Variants in CLIC5 observed in about 807,000 individuals in gnomAD.
CLIC5 encodes chloride intracellular channel protein 5.
Under a neutral mutation model 24.7 loss-of-function variants are expected in CLIC5, and 20 were observed. That is an observed-to-expected ratio of 0.81 (90% confidence interval 0.57 to 1.18). The LOEUF is 1.18. Among genes scored for constraint, CLIC5 ranks in the 50% most tolerant of loss-of-function variants. The probability of loss-of-function intolerance (pLI) is 0.00; values close to 1 mark genes in which losing one functional copy is unlikely to be tolerated. For synonymous variants in CLIC5, 159 were observed against 135.6 expected (o/e 1.17, Z -1.20); for missense variants, 341 against 326.1 (o/e 1.05, Z -0.35).
At chr6:45,926,782 G>A (rs1024842325) in intron 4 of CLIC5, among the ~76,000 whole-genome samples, 10 of 152,140 alleles carry the variant, frequency 6.6e-5, no homozygotes, top group African/African-American at 2.2e-4. Context: ...CCACTTCAGC[G>A]AAGCCCGCCA....
chr6:45,916,744 C>T (rs747516207), intron 4 of CLIC5, among the ~76,000 whole-genome samples: 1 of 152,164 alleles, frequency 6.6e-6, no homozygotes, highest in Non-Finnish European at 1.5e-5. Flanking sequence ...GGTAATTCCT[C>T]GAGATGGAAG....
intron 1 of CLIC5, among the ~76,000 whole-genome samples, chr6:46,010,629 A>C (rs534107057): frequency 1.2e-4 from 18 of 152,314 alleles, no homozygotes; most frequent in African/African-American, 4.3e-4. Context: ...ACAAGTCATC[A>C]GGGATGCAGG....
At position 45,902,993 on chromosome 6, in the gene CLIC5, G is replaced by T. The variant is rs554810737; in HGVS notation, c.*95C>A. On this transcript the variant is annotated 3_prime_UTR_variant, in exon 6 of 6. Transcript: ENST00000339561. ...GATGAGGCTTGATTATAAAAAGTGCGCCTCAAGGCAGTGATACAGAGGAGT... is the reference window on the plus strand; with the variant it reads ...GATGAGGCTTGATTATAAAAAGTGCTCCTCAAGGCAGTGATACAGAGGAGT... 3.8e-6 allele frequency: 5 copies of T among 1,327,828 alleles called. No homozygotes were observed. The Admixed American group carries it at 5.8e-5, about 16-fold the overall frequency. 82.3% of individuals were successfully genotyped at this position (1,327,828 alleles called of 1,614,324 possible).
chr6:46,060,273 G>C (rs952561242), intron 1 of CLIC5, among the ~76,000 whole-genome samples: 2 of 152,098 alleles, frequency 1.3e-5, no homozygotes, highest in African/African-American at 4.8e-5. Context: ...AAGTTGGTTT[G>C]CCCTAAATAC....
chr6:46,076,831 A>C (rs939372033), intron 1 of CLIC5, among the ~76,000 whole-genome samples: 3 of 152,196 alleles, frequency 2.0e-5, no homozygotes, highest in African/African-American at 7.2e-5. Flanking sequence ...CTCTCCCACT[A>C]CAATGCAAAG....
the CLIC5 span, among the ~76,000 whole-genome samples, chr6:46,113,640 A>G: frequency 2.4e-4 from 36 of 152,286 alleles, 1 homozygote; most frequent in Non-Finnish European, 7.4e-5. Context: ...ACACTTCTTT[A>G]ATTAGATGGT....
At chr6:46,055,210 C>A (rs1768212832) in intron 1 of CLIC5, among the ~76,000 whole-genome samples, 1 of 152,218 alleles carries the variant, frequency 6.6e-6, no homozygotes, top group Non-Finnish European at 1.5e-5. Flanking sequence ...TCAAGTAATT[C>A]TCACACCTCA....
intron 1 of CLIC5, among the ~76,000 whole-genome samples, chr6:46,071,493 C>T (rs528572130): frequency 2.0e-4 from 30 of 151,190 alleles, no homozygotes; most frequent in East Asian, 1.4e-3. Context: ...AAAAGCTTAT[C>T]GCTAATTATT....
intron 1 of CLIC5, among the ~76,000 whole-genome samples, chr6:45,989,749 T>G (rs1455480358): frequency 6.6e-6 from 1 of 152,196 alleles, no homozygotes; most frequent in African/African-American, 2.4e-5. Context: ...ATGGGCAGAG[T>G]TGCAGGGAAA....
At position 45,900,207 on chromosome 6, in the gene CLIC5, T is replaced by TC. The variant is rs1762474050; in HGVS notation, c.*2880dup. 6.6e-6 allele frequency: 1 copy of TC among 151,788 alleles called. No individual in the cohort carries two copies. The highest frequency in any genetic ancestry group is 2.4e-5 in the African/African-American group (1 of 41,308). The allele number at this position is 151,788 out of a possible 1,614,324, so 9.4% of individuals were successfully genotyped here. On this transcript the variant is annotated 3_prime_UTR_variant, in exon 6 of 6. Transcript: ENST00000339561. Reference sequence around the variant, plus strand: ...TGCCTTCGTCTCCCACTACCCTGCTTCCCCCACCCCCAATAGTGCTGTGCA... The same window carrying TC: ...TGCCTTCGTCTCCCACTACCCTGCTTCCCCCCACCCCCAATAGTGCTGTGCA...
At chr6:46,055,997 G>T (rs1350919884) in intron 1 of CLIC5, among the ~76,000 whole-genome samples, 1 of 152,118 alleles carries the variant, frequency 6.6e-6, no homozygotes, top group East Asian at 1.9e-4. Flanking sequence ...AAAGTTCTCT[G>T]AGTGTATGGT....
intron 1 of CLIC5, among the ~76,000 whole-genome samples, chr6:46,033,940 TA>T (rs750038724): frequency 2.0e-4 from 30 of 152,236 alleles, no homozygotes; most frequent in Admixed American, 1.8e-3. Context: ...AAGAGGTTAT[TA>T]TTTTTTAAAG....
rs1037704166 is a variant in CLIC5, at chr6:46,009,400, T to A, written c.63+6080A>T. On this transcript the variant is annotated intron_variant, in intron 1 of 5. Transcript: ENST00000339561. ...CATTTAGCGAACTGGAAGAGAAATG[T>A]CCCTGACTGTGGGAGCTGACCCCTC... Among the ~76,000 whole-genome samples the A allele has an allele frequency of 2.0e-5, 3 of 152,088 alleles. No individual in the cohort carries two copies. In the South Asian group the frequency reaches 6.2e-4, roughly 32 times the overall value.
intron 3 of CLIC5, among the ~76,000 whole-genome samples, chr6:45,947,286 G>C (rs532418189): frequency 6.6e-6 from 1 of 152,288 alleles, no homozygotes; most frequent in South Asian, 2.1e-4. Context: ...GGGTGGTGTG[G>C]TAGTGGTGAG....
upstream of CLIC5, among the ~76,000 whole-genome samples, chr6:46,085,258 C>T (rs1367406425): frequency 6.6e-6 from 1 of 152,162 alleles, no homozygotes; most frequent in Non-Finnish European, 1.5e-5. Flanking sequence ...TCGTCTGAAG[C>T]CTTCTTCTCT....
rs190168487 is a variant in CLIC5, at chr6:45,987,433, A to T, written c.63+28047T>A. Reference sequence around the variant, plus strand: ...TGCCTTATAGACAGATGAAATCCAGAAAGTGTTTATTGTTTTGTTAGCTGA... The same window carrying T: ...TGCCTTATAGACAGATGAAATCCAGTAAGTGTTTATTGTTTTGTTAGCTGA... On this transcript the variant is annotated intron_variant, in intron 1 of 5. Coordinates refer to ENST00000339561, the MANE Select transcript of CLIC5 (RefSeq NM_016929.5). 2.4e-3 allele frequency among the ~76,000 whole-genome samples: 370 copies of T among 152,324 alleles called. 3 individuals carry two copies. Among genetic ancestry groups the T allele is most frequent in the Admixed American group, 0.022 (336 of 15,300 alleles).
intron 5 of CLIC5, chr6:45,912,739 C>A (rs1412069159): frequency 1.3e-6 from 2 of 1,531,146 alleles, no homozygotes; most frequent in African/African-American, 2.7e-5. Context: ...GGTACTTGTT[C>A]CTAAGGAGAA....
chr6:45,904,634 C>T (rs1264772547), intron 5 of CLIC5, among the ~76,000 whole-genome samples: 3 of 149,224 alleles, frequency 2.0e-5, no homozygotes, highest in Non-Finnish European at 3.0e-5. Flanking sequence ...CCCCTCCCTC[C>T]CTCTTTTCTG....
chr6:45,926,257 AT>A (rs1383482335), intron 4 of CLIC5, among the ~76,000 whole-genome samples: 1 of 127,958 alleles, frequency 7.8e-6, no homozygotes, highest in Non-Finnish European at 1.8e-5. Context: ...TATTTTTTTT[AT>A]TTTTTTTGAA....
Sources: allele counts gnomAD v4.1 joint callset (sites outside exome capture counted in the v4.1 genomes callset), GRCh38; gene constraint gnomAD v4.1.1; transcripts MANE v1.5; gene names NCBI Gene and HGNC (gene_info 2026-07-23, HGNC 2026-07-21).